Variants in ZNF790 observed in about 807,000 individuals in gnomAD.
ZNF790 encodes the protein zinc finger protein 790.
Under a neutral mutation model 12.1 loss-of-function variants are expected in ZNF790, and 8 were observed. The observed-to-expected ratio is 0.66, with a 90% CI of 0.39 to 1.19. The LOEUF (loss-of-function observed/expected upper bound fraction) is 1.19. ZNF790 is among the 50% of genes most tolerant of loss of function. The pLI is 0.01. For synonymous variants in ZNF790, 252 were observed against 244.3 expected (o/e 1.03, Z -0.29); for missense variants, 707 against 752.2 (o/e 0.94, Z 0.70).
chr19:36,835,288 AT>A (rs1414250364), intron 1 of ZNF790, among the ~76,000 whole-genome samples: 10 of 139,190 alleles, frequency 7.2e-5, no homozygotes, highest in Non-Finnish European at 1.0e-4. Context: ...CTCAAAAAAA[AT>A]AAAATAAAAT....
chr19:36,836,551 G>C (rs1030774787), intron 1 of ZNF790, among the ~76,000 whole-genome samples: 1 of 152,090 alleles, frequency 6.6e-6, no homozygotes, highest in Non-Finnish European at 1.5e-5. Context: ...AAAGTCAAGA[G>C]ATCGAGACCA....
At chr19:36,845,382 C>G (rs1181369523) in intron 1 of ZNF790, among the ~76,000 whole-genome samples, 4 of 150,260 alleles carry the variant, frequency 2.7e-5, no homozygotes, top group Non-Finnish European at 5.9e-5. Flanking sequence ...TGCCACTGCA[C>G]TCAACCTGGG....
chr19:36,818,294 GCT>G lies in ZNF790; in HGVS notation c.*137_*138del. On this transcript the variant is annotated 3_prime_UTR_variant, in exon 5 of 5. Transcript: ENST00000356725. ...TGATGAATTCTCTGCTGCTGCTGCT[GCT>G]GCTGCTGCTGGATGTGTGCTCTGTT... is the stretch of plus-strand genomic sequence containing the variant. 1 of 700,498 alleles carries G rather than the reference GCT, an allele frequency of 1.4e-6. No homozygotes were observed. The highest frequency in any genetic ancestry group is 2.2e-6 in the Non-Finnish European group (1 of 461,098). 43.4% of individuals were successfully genotyped at this position (700,498 alleles called of 1,614,324 possible). A position where few individuals can be genotyped will look rare whatever the true frequency, so the allele number is the denominator to read the frequency against.
chr19:36,818,886 G>C lies in ZNF790; in HGVS notation c.1458C>G (p.Thr486=). 6.2e-7 allele frequency: 1 copy of C among 1,611,126 alleles called. No individual in the cohort carries two copies. ...GATTAAGTTCTGAACCACGAAAAAA[G>C]GTCTTTCCACATTCCTTACATTCAT... ...RNYECKECGK[T]FFRGSELNRH... The change falls in exon 5 of 5, where the codon ACC becomes ACG. Residue 486 remains threonine, a synonymous_variant. Coordinates refer to ENST00000356725, the MANE Select transcript of ZNF790 (RefSeq NM_206894.4).
At position 36,818,328 on chromosome 19, in the gene ZNF790, C is replaced by G; in HGVS notation, c.*105G>C. ...GCTGGATGTGTGCTCTGTTAAAATG[C>G]CTTCCAATATTACTTACATTTGTGG... On this transcript the variant is annotated 3_prime_UTR_variant, in exon 5 of 5. Coordinates refer to ENST00000356725, the MANE Select transcript of ZNF790 (RefSeq NM_206894.4). 8.8e-7 allele frequency: 1 copy of G among 1,141,820 alleles called. No homozygotes were observed. The highest frequency in any genetic ancestry group is 1.2e-6 in the Non-Finnish European group (1 of 839,268). The allele number at this position is 1,141,820 out of a possible 1,614,324, so 70.7% of individuals were successfully genotyped here. A position where few individuals can be genotyped will look rare whatever the true frequency, so the allele number is the denominator to read the frequency against.
chr19:36,825,793 G>A, intron 1 of ZNF790, 101 bp from the exon 2 acceptor site: 1 of 701,696 alleles, frequency 1.4e-6, no homozygotes, highest in Non-Finnish European at 2.5e-6. Flanking sequence ...GAAGGAACCT[G>A]AAGAAATCCT....
At position 36,838,014 on chromosome 19, in the gene ZNF790, C is replaced by A. The variant is rs2072080702; in HGVS notation, c.-74+323G>T. On this transcript the variant is annotated intron_variant, in intron 1 of 4. Coordinates refer to ENST00000356725, the MANE Select transcript of ZNF790 (RefSeq NM_206894.4). The surrounding 1 kb of genome is among the most constrained non-coding windows in gnomAD (Gnocchi z 4.4). ...CCTTTACGAACGTGGTCACGCACAA[C>A]GCGACGCAGTCATAATCACGTACAT... 6.6e-6 allele frequency: 1 copy of A among 152,234 alleles called. No individual in the cohort carries two copies. The highest frequency in any genetic ancestry group is 2.4e-5 in the African/African-American group (1 of 41,440). The allele number at this position is 152,234 out of a possible 1,614,324, so 9.4% of individuals were successfully genotyped here.
chr19:36,821,007 C>T (rs1345992216), intron 4 of ZNF790, among the ~76,000 whole-genome samples: 2 of 148,676 alleles, frequency 1.3e-5, no homozygotes, highest in African/African-American at 5.0e-5. Context: ...ATTAACTCGT[C>T]ATTTAGCATT....
At chr19:36,839,011 A>G (rs189310583), upstream of ZNF790, among the ~76,000 whole-genome samples, 3 of 152,358 alleles carry the variant, frequency 2.0e-5, no homozygotes, top group Admixed American at 1.3e-4. Context: ...CTGTCTGGGA[A>G]TCCATGAGAA....
chr19:36,834,589 T>C (rs2072006436), intron 1 of ZNF790, among the ~76,000 whole-genome samples: 1 of 152,238 alleles, frequency 6.6e-6, no homozygotes, highest in Admixed American at 6.5e-5. Flanking sequence ...ATGGATCAAT[T>C]GGAACTTGCA....
chr19:36,819,114 A>T lies in ZNF790; in HGVS notation c.1230T>A (p.Ala410=). ...TGCCAGTATGAATTCGCTGATGTCG[A>T]GCAAGGTGTGAGCTCCAAATATAGG... ...GKAYIWSSHL[A]RHQRIHTGRK... The change falls in exon 5 of 5, where the codon GCT becomes GCA. Residue 410 remains alanine (A), a synonymous_variant. Transcript: ENST00000356725. 2 of 1,613,568 alleles carry T rather than the reference A, an allele frequency of 1.2e-6. No individual in the cohort carries two copies. Among genetic ancestry groups the T allele is most frequent in the Non-Finnish European group, 1.7e-6 (2 of 1,179,704 alleles).
At chr19:36,844,890 T>A (rs1350073543) in intron 1 of ZNF790, among the ~76,000 whole-genome samples, 4 of 148,154 alleles carry the variant, frequency 2.7e-5, no homozygotes, top group African/African-American at 7.4e-5. Context: ...CTACTAAAAA[T>A]ACAAAAAATT....
intron 1 of ZNF790, among the ~76,000 whole-genome samples, chr19:36,844,002 C>T (rs1021226624): frequency 4.8e-5 from 6 of 125,392 alleles, no homozygotes; most frequent in African/African-American, 1.9e-4. Flanking sequence ...AGCGAAACTC[C>T]ATCTCAAAAA....
chr19:36,820,144 C>A, intron 4 of ZNF790, 30 bp from the exon 5 acceptor site: 3 of 1,576,296 alleles, frequency 1.9e-6, no homozygotes, highest in Non-Finnish European at 2.6e-6. Context: ...AAACATCATA[C>A]GGTTGTATGT....
chr19:36,846,457 C>T (rs1165627933), intron 1 of ZNF790, among the ~76,000 whole-genome samples: 1 of 151,992 alleles, frequency 6.6e-6, no homozygotes, highest in Non-Finnish European at 1.5e-5. Flanking sequence ...CCCAGCTACT[C>T]GGGAGGCTGA....
intron 1 of ZNF790, among the ~76,000 whole-genome samples, chr19:36,845,502 T>C (rs1381354048): frequency 6.6e-6 from 1 of 151,866 alleles, no homozygotes; most frequent in Non-Finnish European, 1.5e-5. Flanking sequence ...AGTAATATAC[T>C]GCCCTCTGGG....
Position 36,818,663 on chromosome 19 carries a change from G to T in ZNF790, c.1681C>A (p.Pro561Thr), listed in dbSNP as rs760196827. 1.9e-6 allele frequency: 3 copies of T among 1,613,168 alleles called. No individual in the cohort carries two copies. The highest frequency in any genetic ancestry group is 1.7e-5 in the Admixed American group (1 of 59,702). ...RHKKIHTDAE[P>T]YGCKKSSHIF... ...TGGCTACTTTTCTTGCATCCATAAG[G>T]TTCTGCATCAGTATGAATTTTCTTA... Residue 561 changes from proline to threonine, a missense_variant, in exon 5 of 5, where the codon CCT becomes ACT. Coordinates refer to ENST00000356725, the MANE Select transcript of ZNF790 (RefSeq NM_206894.4).
chr19:36,827,323 C>T (rs1019917557), intron 1 of ZNF790, among the ~76,000 whole-genome samples: 10 of 151,668 alleles, frequency 6.6e-5, no homozygotes, highest in Admixed American at 3.9e-4. Context: ...GCCACCCATC[C>T]GTGCACAGGC....
intron 1 of ZNF790, among the ~76,000 whole-genome samples, chr19:36,848,556 G>A (rs1462739149): frequency 3.9e-5 from 6 of 152,192 alleles, no homozygotes; most frequent in Admixed American, 2.6e-4. Flanking sequence ...TGTGATGCTG[G>A]AGAACTAGAG....
Sources: allele counts gnomAD v4.1 joint callset (sites outside exome capture counted in the v4.1 genomes callset), GRCh38; gene constraint gnomAD v4.1.1; non-coding constraint Gnocchi (gnomAD v3.1); transcripts MANE v1.5; gene names NCBI Gene and HGNC (gene_info 2026-07-23, HGNC 2026-07-21).